MZT2B: variants seen among roughly 807,000 people sequenced by gnomAD.
MZT2B encodes mitotic spindle organizing protein 2B, also known as mitotic-spindle organizing protein 2B.
MZT2B carries 11 observed loss-of-function variants against 12.1 expected under a neutral mutation model. The ratio of observed to expected loss-of-function variants is 0.91; its 90% CI spans 0.57 to 1.50. The LOEUF (loss-of-function observed/expected upper bound fraction) is 1.50, where lower values mean the gene tolerates loss of function less well. Ranked by LOEUF, MZT2B falls within the 40% of genes most tolerant of loss-of-function variation. MZT2B has a pLI of 0.00. For synonymous variants in MZT2B, 85 were observed against 109.5 expected (o/e 0.78, Z 1.40); for missense variants, 209 against 227.7 (o/e 0.92, Z 0.53).
the MZT2B span, among the ~76,000 whole-genome samples, chr2:130,200,332 A>T: frequency 6.6e-6 from 1 of 151,804 alleles, no homozygotes; most frequent in Admixed American, 6.6e-5. Flanking sequence ...TGGAGCTTGC[A>T]GTGAGCCGAG....
At chr2:130,189,225 C>T (rs1307545476) in intron 2 of MZT2B, among the ~76,000 whole-genome samples, 2 of 152,094 alleles carry the variant, frequency 1.3e-5, no homozygotes, top group South Asian at 2.1e-4. Context: ...CTAGGCACAC[C>T]GCACTGAGGG....
chr2:130,193,905 T>C (rs752184368), downstream of MZT2B: 2 of 1,614,212 alleles, frequency 1.2e-6, no homozygotes, highest in African/African-American at 1.3e-5. Context: ...CAGCAGGCCA[T>C]GTACTTGCCA....
chr2:130,190,747 T>TGA, downstream of MZT2B: 1 of 1,297,744 alleles, frequency 7.7e-7, no homozygotes. Context: ...TACCGTTTTT[T>TGA]TTTTTTGTTT....
chr2:130,191,849 T>C (rs147787284), downstream of MZT2B: 2,391 of 1,607,638 alleles, frequency 1.5e-3, 47 homozygotes, highest in African/African-American at 0.029. Context: ...CTTCGCCTTC[T>C]TCAGCCTCAG....
intron 2 of MZT2B, chr2:130,184,542 CA>C (rs1480835170): frequency 2.0e-6 from 2 of 985,234 alleles, no homozygotes; most frequent in African/African-American, 3.5e-5. Context: ...TGTGAGAGCC[CA>C]GGGGTCTTTG....
chr2:130,190,741 G>GTTTTTTGTTTTTTTTTTTTTTTTTT (rs1573767798), downstream of MZT2B: 2 of 1,096,302 alleles, frequency 1.8e-6, 1 homozygote. Context: ...GTTGTCTACC[G>GTTTTTTGTTTTTTTTTTTTTTTTTT]TTTTTTTTTT....
downstream of MZT2B, chr2:130,195,199 C>T (rs1690375106): frequency 6.2e-7 from 1 of 1,614,042 alleles, no homozygotes; most frequent in Non-Finnish European, 8.5e-7. Flanking sequence ...GGTGGAAGAG[C>T]TGCCTGTAGG....
intron 2 of MZT2B, chr2:130,183,114 A>G (rs1443514817): frequency 2.2e-6 from 1 of 451,112 alleles, no homozygotes; most frequent in Non-Finnish European, 4.0e-6. Context: ...TCACGCCTAT[A>G]ATCTTTGGGA....
At chr2:130,185,376 G>T (rs972652882) in intron 2 of MZT2B, among the ~76,000 whole-genome samples, 1 of 151,550 alleles carries the variant, frequency 6.6e-6, no homozygotes, top group African/African-American at 2.4e-5. Context: ...CAGCTACTTG[G>T]GAGGCTGAGG....
chr2:130,198,597 C>T, the MZT2B span: 5 of 470,298 alleles, frequency 1.1e-5, 2 homozygotes, highest in East Asian at 8.0e-5. Flanking sequence ...GCAGGATTGG[C>T]GGGAAGGCAG....
chr2:130,194,040 G>T, downstream of MZT2B: 1 of 1,614,192 alleles, frequency 6.2e-7, no homozygotes, highest in Non-Finnish European at 8.5e-7. Context: ...GTGGCCAGGG[G>T]GAAGTGGATG....
downstream of MZT2B, among the ~76,000 whole-genome samples, chr2:130,192,585 GCA>G (rs1690293239): frequency 6.6e-6 from 1 of 152,224 alleles, no homozygotes; most frequent in Admixed American, 6.5e-5. Flanking sequence ...TGCAAAGGTA[GCA>G]GATCATGGGT....
chr2:130,193,929 A>C (rs777048012), downstream of MZT2B: 1 of 1,614,232 alleles, frequency 6.2e-7, no homozygotes, highest in South Asian at 1.1e-5. Flanking sequence ...CGAGGGTCAC[A>C]CTTGACCATC....
In MZT2B at chr2:130,182,753, G is replaced by T. The variant is rs747412987; in HGVS notation, c.297G>T (p.Thr99=). 2.0e-4 allele frequency: 305 copies of T among 1,514,972 alleles called. No individual in the cohort carries two copies. The highest frequency in any genetic ancestry group is 2.6e-4 in the Non-Finnish European group (289 of 1,127,838). 93.8% of individuals were successfully genotyped at this position (1,514,972 alleles called of 1,614,324 possible). A position where few individuals can be genotyped will look rare whatever the true frequency, so the allele number is the denominator to read the frequency against. The change falls in exon 2 of 3, where the codon ACG becomes ACT. Residue 99 remains threonine (T), a synonymous_variant. Transcript: ENST00000281871. The part of the protein sequence containing the change: ...PQDPAAVSLP[T]SSVPETRGRN... ...ACCCTGCGGCCGTGTCTCTGCCCAC[G>T]TCGAGCGTGCCCGAGACCCGAGGTC...
the MZT2B span, among the ~76,000 whole-genome samples, chr2:130,200,219 G>A: frequency 5.9e-5 from 9 of 152,150 alleles, no homozygotes; most frequent in Admixed American, 1.3e-4. Flanking sequence ...GTGAAACCCC[G>A]TCTCTACTAA....
downstream of MZT2B, chr2:130,192,067 G>A (rs765501494): frequency 1.3e-5 from 21 of 1,612,546 alleles, no homozygotes; most frequent in Middle Eastern, 1.6e-4. Flanking sequence ...CACACGGCCC[G>A]CTGCACCTTG....
chr2:130,185,303 T>C (rs1157070747), intron 2 of MZT2B, among the ~76,000 whole-genome samples: 8 of 112,116 alleles, frequency 7.1e-5, no homozygotes, highest in South Asian at 2.9e-4. Context: ...AGAGCGAGAC[T>C]CCGTCTCAAA....
downstream of MZT2B, among the ~76,000 whole-genome samples, chr2:130,192,491 G>A (rs985696087): frequency 6.6e-6 from 1 of 152,186 alleles, no homozygotes; most frequent in Non-Finnish European, 1.5e-5. Context: ...CACCCAGATA[G>A]ATTCAGAGTA....
downstream of MZT2B, chr2:130,195,198 G>C (rs1194713765): frequency 6.2e-7 from 1 of 1,613,940 alleles, no homozygotes; most frequent in Non-Finnish European, 8.5e-7. Context: ...GGGTGGAAGA[G>C]CTGCCTGTAG....
Sources: gnomAD v4.1 joint callset for allele counts (sites outside exome capture counted in the v4.1 genomes callset) on GRCh38, gnomAD v4.1.1 for gene constraint, MANE v1.5 for transcripts, NCBI Gene and HGNC (gene_info 2026-07-23, HGNC 2026-07-21) for gene names.